The following RAD51AP1 variants were observed in gnomAD, a reference collection of about 807,000 sequenced individuals.
The protein encoded by RAD51AP1 is RAD51-associated protein 1.
A neutral mutation model predicts 34.3 loss-of-function variants in RAD51AP1; 14 were observed. The ratio of observed to expected loss-of-function variants is 0.41; its 90% CI spans 0.27 to 0.64. The LOEUF is 0.64. RAD51AP1 is among the 30% of genes least tolerant of loss of function. The probability of loss-of-function intolerance (pLI) is 0.33; values close to 1 mark genes in which losing one functional copy is unlikely to be tolerated. For missense variants in RAD51AP1, 348 were observed against 386.9 expected, an observed-to-expected ratio of 0.90 and a Z score of 0.84; for synonymous variants, 114 against 129.8, an observed-to-expected ratio of 0.88 and a Z score of 0.83.
rs117809649 is a variant in RAD51AP1, at chr12:4,554,799, T to C, written c.722-1554T>C. On this transcript the variant is annotated intron_variant, in intron 7 of 8. Coordinates refer to ENST00000352618, the MANE Select transcript of RAD51AP1 (RefSeq NM_006479.5). ...TGCGAATTGTGTCTAGCACATGTTATAATTTTCCCTTGATAGAAAAAATGT... is the reference window on the plus strand; with the variant it reads ...TGCGAATTGTGTCTAGCACATGTTACAATTTTCCCTTGATAGAAAAAATGT... 6.8e-4 allele frequency among the ~76,000 whole-genome samples: 104 copies of C among 152,374 alleles called. No homozygotes were observed. In the East Asian group the frequency reaches 0.019, roughly 28 times the overall value.
chr12:4,553,196 T>C (rs1358498400), intron 7 of RAD51AP1, 49 bp downstream of exon 7: 1 of 1,395,288 alleles, frequency 7.2e-7, no homozygotes, highest in Admixed American at 2.6e-5. Context: ...TGTATGTGGT[T>C]TGTTTGCCGT....
chr12:4,557,325 C>T (rs746811024), intron 8 of RAD51AP1, among the ~76,000 whole-genome samples: 2 of 152,070 alleles, frequency 1.3e-5, no homozygotes, highest in Admixed American at 6.6e-5. Context: ...TTGATTGGTC[C>T]ACAGTGCTCA....
chr12:4,558,827 A>G (rs781116844), intron 8 of RAD51AP1, 30 bp from the exon 9 acceptor site: 142 of 1,601,858 alleles, frequency 8.9e-5, no homozygotes, highest in Non-Finnish European at 1.1e-4. Context: ...TTCTGACATC[A>G]TCAGCATCAC....
At chr12:4,555,452 G>C (rs1464420460) in intron 7 of RAD51AP1, among the ~76,000 whole-genome samples, 1 of 152,078 alleles carries the variant, frequency 6.6e-6, no homozygotes, top group Non-Finnish European at 1.5e-5. Flanking sequence ...ACTACCACCA[G>C]AAAGATGTTT....
Position 4,541,897 on chromosome 12 carries a change from G to C in RAD51AP1, c.31G>C (p.Val11Leu), listed in dbSNP as rs755501300. 11 of 1,517,222 alleles carry C rather than the reference G, an allele frequency of 7.3e-6. No individual in the cohort carries two copies. Among genetic ancestry groups the C allele is most frequent in the African/African-American group, 2.8e-5 (2 of 71,548 alleles). The allele number at this position is 1,517,222 out of a possible 1,614,324, so 94.0% of individuals were successfully genotyped here. Residue 11 changes from valine to leucine, a missense_variant, in exon 2 of 9, where the codon GTC becomes CTC. Val to Leu is a conservative substitution (Grantham distance 32, BLOSUM62 1). Transcript: ENST00000352618. MVRPVRHKKP[V>L]NYSQFDHSDS... ...TTTTGGTCATAGACATAAGAAACCAGTCAATTACTCACAGTTTGACCACTC... is the reference window on the plus strand; with the variant it reads ...TTTTGGTCATAGACATAAGAAACCACTCAATTACTCACAGTTTGACCACTC...
At chr12:4,547,123 A>G (rs893071356) in intron 4 of RAD51AP1, among the ~76,000 whole-genome samples, 7 of 152,224 alleles carry the variant, frequency 4.6e-5, no homozygotes, top group African/African-American at 1.7e-4. Context: ...GCAGGAATAC[A>G]GTGGCATGAT....
rs1295652879 is a variant in RAD51AP1 at position 4,559,867 on chromosome 12, A to G, written c.*874A>G. 6.6e-6 allele frequency: 1 copy of G among 152,188 alleles called. No homozygotes were observed. Among genetic ancestry groups the G allele is most frequent in the Non-Finnish European group, 1.5e-5 (1 of 68,018 alleles). 9.4% of individuals were successfully genotyped at this position (152,188 alleles called of 1,614,324 possible). A position where few individuals can be genotyped will look rare whatever the true frequency, so the allele number is the denominator to read the frequency against. Reference sequence around the variant, plus strand: ...TTACTTTGAAAAACAATTGTAATGAATATTTTATATTTACATTGAGAATTT... The same window carrying G: ...TTACTTTGAAAAACAATTGTAATGAGTATTTTATATTTACATTGAGAATTT... On this transcript the variant is annotated 3_prime_UTR_variant, in exon 9 of 9. Coordinates refer to ENST00000352618, the MANE Select transcript of RAD51AP1 (RefSeq NM_006479.5).
chr12:4,548,218 C>T (rs1944520953), intron 5 of RAD51AP1, 40 bp downstream of exon 5: 1 of 1,575,976 alleles, frequency 6.3e-7, no homozygotes, highest in Non-Finnish European at 8.6e-7. Flanking sequence ...ATCAACAATG[C>T]TGTTTCTCTG....
intron 7 of RAD51AP1, 148 bp downstream of exon 7, chr12:4,553,295 A>T: frequency 1.6e-6 from 1 of 628,682 alleles, no homozygotes; most frequent in Admixed American, 3.7e-5. Context: ...GGGGTGGGGA[A>T]GGGAGAAAAG....
At chr12:4,545,917 G>A (rs1591771521) in intron 3 of RAD51AP1, 1 of 1,494,860 alleles carries the variant, frequency 6.7e-7, no homozygotes, top group Non-Finnish European at 9.2e-7. Context: ...TTTAATGTAA[G>A]AGCTATAAAA....
chr12:4,556,760 T>G (rs1267933026), intron 8 of RAD51AP1, among the ~76,000 whole-genome samples: 2 of 152,216 alleles, frequency 1.3e-5, no homozygotes, highest in African/African-American at 4.8e-5. Flanking sequence ...CTGGGCATAT[T>G]ACTGATTATT....
Position 4,556,376 on chromosome 12 carries a change from G to A in RAD51AP1, c.745G>A (p.Ala249Thr). 6.2e-7 allele frequency: 1 copy of A among 1,613,384 alleles called. No homozygotes were observed. Among genetic ancestry groups the A allele is most frequent in the Non-Finnish European group, 8.5e-7 (1 of 1,179,566 alleles). The change falls in exon 8 of 9, where the codon GCT becomes ACT. Residue 249 changes from alanine to threonine, a missense_variant. By Grantham distance (58) the Ala-to-Thr change is moderately conservative. Coordinates refer to ENST00000352618, the MANE Select transcript of RAD51AP1 (RefSeq NM_006479.5). ...AGTGACTTCGGTGGACTCTGCTCCA[G>A]CTGCCGTCAAATCAGAATCTCAGTC... is the stretch of plus-strand genomic sequence containing the variant. ...ALVTSVDSAP[A>T]AVKSESQSLP...
chr12:4,548,139 C>T lies in RAD51AP1; in HGVS notation c.367C>T (p.Pro123Ser), dbSNP rs1387498362. 5.6e-6 allele frequency: 9 copies of T among 1,600,734 alleles called. No homozygotes were observed. Among genetic ancestry groups the T allele is most frequent in the Non-Finnish European group, 7.6e-6 (9 of 1,176,636 alleles). The change falls in exon 5 of 9, where the codon CCT becomes TCT. Residue 123 changes from proline (P) to serine (S), a missense_variant. Physicochemically the swap from Pro to Ser is moderately conservative, Grantham distance 74. Transcript: ENST00000352618. ...SSKIETMNKS[P>S]HISNCSVASD... ...TAAAATAGAAACAATGAATAAGTCT[C>T]CTCATATCTCTAATTGCAGTGTAGC...
At position 4,553,038 on chromosome 12, in the gene RAD51AP1, C is replaced by G. The variant is rs1289241303; in HGVS notation, c.612C>G (p.Asp204Glu). The change falls in exon 7 of 9, where the codon GAC (aspartate) becomes GAG (glutamate). Residue 204 changes from aspartate to glutamate, a missense_variant. Transcript: ENST00000352618. Reference sequence around the variant, plus strand: ...GTGAGAGTGAGGATAATGACGAAGACTTCTCTATGAGAAAAAGTAAAGTTA... The same window carrying G: ...GTGAGAGTGAGGATAATGACGAAGAGTTCTCTATGAGAAAAAGTAAAGTTA... ...DFCESEDNDE[D>E]FSMRKSKVKE... The G allele has an allele frequency of 6.2e-7, 1 of 1,605,924 alleles. No individual in the cohort carries two copies. Among genetic ancestry groups the G allele is most frequent in the Non-Finnish European group, 8.5e-7 (1 of 1,176,936 alleles).
chr12:4,547,284 A>G (rs1157010569), intron 4 of RAD51AP1, among the ~76,000 whole-genome samples: 1 of 152,016 alleles, frequency 6.6e-6, no homozygotes, highest in African/African-American at 2.4e-5. Flanking sequence ...TGCTGCCCTC[A>G]AACTCCCAGC....
At chr12:4,554,801 A>G (rs1216867309) in intron 7 of RAD51AP1, among the ~76,000 whole-genome samples, 1 of 152,192 alleles carries the variant, frequency 6.6e-6, no homozygotes, top group East Asian at 1.9e-4. Flanking sequence ...ACATGTTATA[A>G]TTTTCCCTTG....
chr12:4,555,078 T>G (rs763925655), intron 7 of RAD51AP1, among the ~76,000 whole-genome samples: 78 of 152,244 alleles, frequency 5.1e-4, no homozygotes, highest in Non-Finnish European at 2.8e-4. Context: ...AGGAAGAGTA[T>G]ACGGTGAAAA....
At chr12:4,540,321 G>A (rs1468699245) in intron 1 of RAD51AP1, among the ~76,000 whole-genome samples, 2 of 152,158 alleles carry the variant, frequency 1.3e-5, no homozygotes, top group Admixed American at 1.3e-4. Flanking sequence ...AGGAACAGCA[G>A]TTGTTAAAGT....
rs994629967 is a variant in RAD51AP1 at position 4,541,911 on chromosome 12, G to A, written c.45G>A (p.Gln15=). 3 of 1,529,676 alleles carry A rather than the reference G, an allele frequency of 2.0e-6. No individual in the cohort carries two copies. Among genetic ancestry groups the A allele is most frequent in the African/African-American group, 2.8e-5 (2 of 71,924 alleles). The allele number at this position is 1,529,676 out of a possible 1,614,324, so 94.8% of individuals were successfully genotyped here. A position where few individuals can be genotyped will look rare whatever the true frequency, so the allele number is the denominator to read the frequency against. The change falls in exon 2 of 9, where the codon CAG becomes CAA. Residue 15 remains glutamine (Q), a synonymous_variant. Transcript: ENST00000352618. ...VRHKKPVNYS[Q]FDHSDSDDDF... is the part of the protein sequence containing the mutation. ...ATAAGAAACCAGTCAATTACTCACA[G>A]TTTGACCACTCTGACAGTGATGGTA...
Sources: allele counts gnomAD v4.1 joint callset (sites outside exome capture counted in the v4.1 genomes callset), GRCh38; gene constraint gnomAD v4.1.1; transcripts MANE v1.5; gene names NCBI Gene and HGNC (gene_info 2026-07-23, HGNC 2026-07-21).